CSMD1: variants seen among roughly 807,000 people sequenced by gnomAD.
The protein encoded by CSMD1 is CUB and sushi domain-containing protein 1.
A neutral mutation model predicts 417.5 loss-of-function variants in CSMD1; 213 were observed. The ratio of observed to expected loss-of-function variants is 0.51; its 90% CI spans 0.46 to 0.57. The LOEUF is 0.57. CSMD1 is among the 20% of genes least tolerant of loss of function. CSMD1 has a pLI of 0.00. For missense variants in CSMD1, 6,923 were observed against 4,529.7 expected, an observed-to-expected ratio of 1.53 and a Z score of -15.17; for synonymous variants, 2,862 against 1,736.8, an observed-to-expected ratio of 1.65 and a Z score of -16.11.
At chr8:4,793,530 A>T (rs1307643557) in intron 1 of CSMD1, among the ~76,000 whole-genome samples, 4 of 151,924 alleles carry the variant, frequency 2.6e-5, no homozygotes, top group Non-Finnish European at 5.9e-5. Flanking sequence ...GGGCACAGTC[A>T]TAGCTGTTCT....
intron 2 of CSMD1, among the ~76,000 whole-genome samples, chr8:4,563,016 C>G (rs949170951): frequency 1.3e-5 from 2 of 152,094 alleles, no homozygotes; most frequent in Non-Finnish European, 2.9e-5. Flanking sequence ...CATGAAAATT[C>G]CGGTGTTTTA....
chr8:4,476,515 T>G (rs1225234570), intron 2 of CSMD1, among the ~76,000 whole-genome samples: 1 of 152,204 alleles, frequency 6.6e-6, no homozygotes, highest in Non-Finnish European at 1.5e-5. Flanking sequence ...TCACTACTTT[T>G]CGGAGTTCTA....
chr8:4,052,600 A>G (rs888270052), intron 3 of CSMD1, among the ~76,000 whole-genome samples: 1 of 152,128 alleles, frequency 6.6e-6, no homozygotes, highest in East Asian at 1.9e-4. Flanking sequence ...CCCTCCATAT[A>G]ATTTAAGTAT....
intron 3 of CSMD1, among the ~76,000 whole-genome samples, chr8:4,039,869 T>A (rs909255663): frequency 7.2e-5 from 11 of 152,188 alleles, no homozygotes; most frequent in African/African-American, 2.7e-4. Flanking sequence ...TTTTGTAATG[T>A]TGGACAAATT....
chr8:3,024,425 C>G (rs1490147071), intron 51 of CSMD1, among the ~76,000 whole-genome samples: 1 of 152,016 alleles, frequency 6.6e-6, no homozygotes, highest in African/African-American at 2.4e-5. Context: ...CCTGCCTCAG[C>G]CTCCCAAGTA....
intron 3 of CSMD1, among the ~76,000 whole-genome samples, chr8:4,286,866 AC>A (rs1337821620): frequency 6.6e-6 from 1 of 152,258 alleles, no homozygotes; most frequent in Non-Finnish European, 1.5e-5. Context: ...CACTAATTAC[AC>A]TTGAGGCCAC....
intron 2 of CSMD1, among the ~76,000 whole-genome samples, chr8:4,421,082 A>G (rs147227563): frequency 2.0e-5 from 3 of 152,286 alleles, no homozygotes; most frequent in African/African-American, 7.2e-5. Flanking sequence ...TTGGATGCCA[A>G]TCCAAACAAC....
At chr8:3,243,272 G>A (rs566730843) in intron 26 of CSMD1, among the ~76,000 whole-genome samples, 14 of 152,194 alleles carry the variant, frequency 9.2e-5, no homozygotes, top group Middle Eastern at 3.4e-3. Context: ...GAGAACAGGG[G>A]ATTGATCTCC....
chr8:4,576,880 T>A (rs1163954171), intron 2 of CSMD1, among the ~76,000 whole-genome samples: 4 of 152,210 alleles, frequency 2.6e-5, no homozygotes, highest in African/African-American at 9.6e-5. Flanking sequence ...ATACTTCAGT[T>A]ATGATTAAAT....
chr8:4,569,765 T>C (rs1563295729), intron 2 of CSMD1, among the ~76,000 whole-genome samples: 1 of 152,202 alleles, frequency 6.6e-6, no homozygotes, highest in Admixed American at 6.5e-5. Flanking sequence ...ATTCTTTCTA[T>C]CCATGAGCAT....
intron 23 of CSMD1, among the ~76,000 whole-genome samples, chr8:3,329,676 G>A (rs909329427): frequency 4.1e-4 from 62 of 152,162 alleles, no homozygotes; most frequent in Non-Finnish European, 1.5e-4. Flanking sequence ...CCCATTACCA[G>A]AAAGAGTTGC....
At chr8:2,980,826 T>A (rs1318319002) in intron 54 of CSMD1, among the ~76,000 whole-genome samples, 1 of 152,238 alleles carries the variant, frequency 6.6e-6, no homozygotes, top group Non-Finnish European at 1.5e-5. Flanking sequence ...AGGATGTGTA[T>A]TAAAATGCTA....
chr8:3,793,659 A>T (rs2623685), intron 5 of CSMD1, among the ~76,000 whole-genome samples: 2 of 151,806 alleles, frequency 1.3e-5, no homozygotes, highest in East Asian at 2.0e-4. Flanking sequence ...ATGATCTCTC[A>T]GCATTTGTAA....
At chr8:3,730,737 T>A (rs557213543) in intron 6 of CSMD1, among the ~76,000 whole-genome samples, 16 of 152,300 alleles carry the variant, frequency 1.1e-4, no homozygotes, top group Non-Finnish European at 2.1e-4. Flanking sequence ...TTATTCACAG[T>A]TCTATGCAGA....
chr8:3,564,549 G>GTGTA (rs752767680), intron 10 of CSMD1, among the ~76,000 whole-genome samples: 1 of 149,480 alleles, frequency 6.7e-6, no homozygotes, highest in Non-Finnish European at 1.5e-5. Flanking sequence ...GTGTGTGTGT[G>GTGTA]TATAATACAT....
chr8:4,768,673 A>T (rs1796446493), intron 1 of CSMD1, among the ~76,000 whole-genome samples: 1 of 152,186 alleles, frequency 6.6e-6, no homozygotes, highest in Admixed American at 6.5e-5. Flanking sequence ...ATGGGAGGGA[A>T]AGGTGTTGGC....
intron 3 of CSMD1, among the ~76,000 whole-genome samples, chr8:4,227,698 C>T (rs1052042760): frequency 6.6e-6 from 1 of 151,980 alleles, no homozygotes; most frequent in Non-Finnish European, 1.5e-5. Flanking sequence ...TTAAACCCCA[C>T]ACCTGGAGAC....
chr8:3,953,479 G>A (rs938897991), intron 5 of CSMD1, among the ~76,000 whole-genome samples: 2 of 152,250 alleles, frequency 1.3e-5, no homozygotes, highest in East Asian at 1.9e-4. Context: ...ACAGAGAGAG[G>A]TGTATGGGCT....
At chr8:3,717,863 C>G (rs1203255718) in intron 6 of CSMD1, among the ~76,000 whole-genome samples, 2 of 152,068 alleles carry the variant, frequency 1.3e-5, no homozygotes, top group Non-Finnish European at 2.9e-5. Context: ...GTACATTACA[C>G]CAATCACCTA....
Sources: gnomAD v4.1 joint callset for allele counts (sites outside exome capture counted in the v4.1 genomes callset) on GRCh38, gnomAD v4.1.1 for gene constraint, MANE v1.5 for transcripts, NCBI Gene and HGNC (gene_info 2026-07-23, HGNC 2026-07-21) for gene names.